Variants in FBXO22 observed in about 807,000 individuals in gnomAD.
FBXO22 encodes the protein F-box protein 22.
A neutral mutation model predicts 37.2 loss-of-function variants in FBXO22; 13 were observed. The ratio of observed to expected loss-of-function variants is 0.35; its 90% CI spans 0.23 to 0.56. FBXO22 has a LOEUF of 0.56. Among genes scored for constraint, FBXO22 ranks in the 20% least tolerant of loss-of-function variants. The pLI is 0.87. For missense variants in FBXO22, 446 were observed against 509.9 expected, an observed-to-expected ratio of 0.87 and a Z score of 1.21; for synonymous variants, 189 against 189.1, an observed-to-expected ratio of 1.00 and a Z score of 0.00.
chr15:75,932,665 C>T lies in FBXO22; in HGVS notation c.795-20C>T. 1.3e-6 allele frequency: 2 copies of T among 1,552,224 alleles called. No homozygotes were observed. Among genetic ancestry groups the T allele is most frequent in the Non-Finnish European group, 1.7e-6 (2 of 1,154,096 alleles). On this transcript the variant is annotated intron_variant, in intron 6 of 6. Transcript: ENST00000308275. ...ATTTTAATGTTTCATGAGATATTGC[C>T]ACTTTTCTAAATTTTCCAGGAACCC... is the stretch of plus-strand genomic sequence containing the variant.
chr15:75,932,625 C>A, intron 6 of FBXO22, 60 bp from the exon 7 acceptor site: 1 of 1,484,048 alleles, frequency 6.7e-7, no homozygotes, highest in East Asian at 2.3e-5. Context: ...GAGGATTTTG[C>A]TTCTATACTT....
chr15:75,904,560 C>T lies in FBXO22; in HGVS notation c.210C>T (p.Ser70=), dbSNP rs373192132. 1.5e-5 allele frequency: 24 copies of T among 1,613,316 alleles called. No individual in the cohort carries two copies. The Admixed American group carries it at 3.2e-4, about 21-fold the overall frequency. The change falls in exon 2 of 7, where the codon TCC becomes TCT. Residue 70 remains serine (S), a synonymous_variant. Transcript: ENST00000308275. ...CCCATCGGAGCGTAACCTGGATCTC[C>T]GCAGGCCTGGCGGAGGCCGGCCACC... ...LRTHRSVTWI[S]AGLAEAGHLE...
chr15:75,920,147 T>C (rs921615262), intron 5 of FBXO22, among the ~76,000 whole-genome samples: 3 of 152,256 alleles, frequency 2.0e-5, no homozygotes, highest in African/African-American at 7.2e-5. Context: ...TGTGGCTATG[T>C]GCTGAGCTTA....
chr15:75,942,175 TAC>T lies in FBXO22; in HGVS notation c.*9075_*9076del, dbSNP rs2031056663. On this transcript the variant is annotated 3_prime_UTR_variant, in exon 7 of 7. Transcript: ENST00000308275. ...TCAGTGGGAGAGAGGGAGGGGTAAATACATGGAGTAGAGATTTTTAGGGTGGT... is the reference window on the plus strand; with the variant it reads ...TCAGTGGGAGAGAGGGAGGGGTAAATATGGAGTAGAGATTTTTAGGGTGGT... 6.6e-6 allele frequency: 1 copy of T among 151,830 alleles called. No individual in the cohort carries two copies. The highest frequency in any genetic ancestry group is 1.9e-4 in the East Asian group (1 of 5,174). The allele number at this position is 151,830 out of a possible 1,614,324, so 9.4% of individuals were successfully genotyped here.
At chr15:75,904,835 T>TG (rs1899886883) in intron 2 of FBXO22, among the ~76,000 whole-genome samples, 1 of 148,804 alleles carries the variant, frequency 6.7e-6, no homozygotes, top group Non-Finnish European at 1.5e-5. Context: ...CCTTTTTTTT[T>TG]TTTTTTGAGA....
In FBXO22 at chr15:75,914,107, C is replaced by T. The variant is rs1900129576; in HGVS notation, c.368-3C>T. 1.9e-6 allele frequency: 3 copies of T among 1,601,764 alleles called. No homozygotes were observed. The East Asian group carries it at 6.7e-5, about 36-fold the overall frequency. ...TTATCATTTTGCTACTGTATTTTTA[C>T]AGCAAGGAAAAGAACTAGTATGGAA... On this transcript the variant is annotated splice_polypyrimidine_tract_variant and splice_region_variant and intron_variant, in intron 3 of 6. Coordinates refer to ENST00000308275, the MANE Select transcript of FBXO22 (RefSeq NM_147188.3).
At chr15:75,919,067 G>A (rs1327367251) in intron 5 of FBXO22, among the ~76,000 whole-genome samples, 1 of 152,108 alleles carries the variant, frequency 6.6e-6, no homozygotes, top group African/African-American at 2.4e-5. Context: ...AAGGGTTCAA[G>A]TGATTGTCAT....
intron 5 of FBXO22, among the ~76,000 whole-genome samples, chr15:75,918,305 T>G (rs1387640291): frequency 6.6e-6 from 1 of 151,296 alleles, no homozygotes; most frequent in African/African-American, 2.4e-5. Flanking sequence ...TTTTTACAAC[T>G]ATCCCTGACA....
chr15:75,914,097 T>G lies in FBXO22; in HGVS notation c.368-13T>G. On this transcript the variant is annotated splice_polypyrimidine_tract_variant and intron_variant, in intron 3 of 6. Transcript: ENST00000308275. ...TGGATGATATTTATCATTTTGCTACTGTATTTTTACAGCAAGGAAAAGAAC... is the reference window on the plus strand; with the variant it reads ...TGGATGATATTTATCATTTTGCTACGGTATTTTTACAGCAAGGAAAAGAAC... 6.3e-7 allele frequency: 1 copy of G among 1,585,160 alleles called. No homozygotes were observed. The highest frequency in any genetic ancestry group is 8.6e-7 in the Non-Finnish European group (1 of 1,161,062).
chr15:75,905,749 G>A (rs560895903), intron 2 of FBXO22: 4 of 152,180 alleles, frequency 2.6e-5, no homozygotes, highest in Admixed American at 6.5e-5. Context: ...GAAAATCACA[G>A]GCTATTTTGT....
At position 75,935,036 on chromosome 15, in the gene FBXO22, T is replaced by C. The variant is rs1179509707; in HGVS notation, c.*1934T>C. 2 of 152,218 alleles carry C rather than the reference T, an allele frequency of 1.3e-5. No individual in the cohort carries two copies. The highest frequency in any genetic ancestry group is 2.9e-5 in the Non-Finnish European group (2 of 68,032). 9.4% of individuals were successfully genotyped at this position (152,218 alleles called of 1,614,324 possible). ...GAGCTTGTTATGAACAGTAAAATCA[T>C]TTAGTCACATGGTTGTAACCTTAGT... On this transcript the variant is annotated 3_prime_UTR_variant, in exon 7 of 7. Coordinates refer to ENST00000308275, the MANE Select transcript of FBXO22 (RefSeq NM_147188.3).
chr15:75,937,245 C>T lies in FBXO22; in HGVS notation c.*4143C>T, dbSNP rs954279733. 6.6e-6 allele frequency: 1 copy of T among 150,448 alleles called. No homozygotes were observed. The highest frequency in any genetic ancestry group is 1.5e-5 in the Non-Finnish European group (1 of 67,740). 9.3% of individuals were successfully genotyped at this position (150,448 alleles called of 1,614,324 possible). On this transcript the variant is annotated 3_prime_UTR_variant, in exon 7 of 7. Coordinates refer to ENST00000308275, the MANE Select transcript of FBXO22 (RefSeq NM_147188.3). ...AAAAAAGAGGCCGGGCGTGGTGGCTCACGCCTGTAATTCCAGCACTTTGGG... is the reference window on the plus strand; with the variant it reads ...AAAAAAGAGGCCGGGCGTGGTGGCTTACGCCTGTAATTCCAGCACTTTGGG...
chr15:75,913,181 A>AT (rs1245471213), intron 2 of FBXO22, 22 bp from the exon 3 acceptor site: 5 of 1,530,040 alleles, frequency 3.3e-6, no homozygotes, highest in Non-Finnish European at 3.6e-6. Flanking sequence ...ATCCAATTCC[A>AT]ATTTTTTTTT....
intron 3 of FBXO22, 30 bp downstream of exon 3, chr15:75,913,320 T>C: frequency 6.8e-7 from 1 of 1,466,608 alleles, no homozygotes; most frequent in Non-Finnish European, 9.5e-7. Flanking sequence ...CTTTTGCTTC[T>C]GTTTTTTTAT....
In FBXO22 at chr15:75,904,175, G is replaced by T. The variant is rs563093265; in HGVS notation, c.140+72G>T. The T allele has an allele frequency of 1.1e-3, 1,565 of 1,465,966 alleles. 2 individuals are homozygous for T. Among genetic ancestry groups the T allele is most frequent in the Non-Finnish European group, 1.2e-3 (1,312 of 1,104,066 alleles). 90.8% of individuals were successfully genotyped at this position (1,465,966 alleles called of 1,614,324 possible). A position where few individuals can be genotyped will look rare whatever the true frequency, so the allele number is the denominator to read the frequency against. ...TGGGCATGTCCCAGGCTGGCGGGGT[G>T]GGGGGAGAGACCCTTGGGACCCACC... On this transcript the variant is annotated intron_variant, in intron 1 of 6. Coordinates refer to ENST00000308275, the MANE Select transcript of FBXO22 (RefSeq NM_147188.3).
At chr15:75,908,145 A>T (rs1458271943) in intron 2 of FBXO22, among the ~76,000 whole-genome samples, 1 of 152,162 alleles carries the variant, frequency 6.6e-6, no homozygotes, top group Non-Finnish European at 1.5e-5. Context: ...ATGCCTCATA[A>T]ACTCTCAGGA....
In FBXO22 at chr15:75,932,758, G is replaced by A. The variant is rs757382367; in HGVS notation, c.868G>A (p.Val290Met). The change falls in exon 7 of 7, where the codon GTG becomes ATG. Residue 290 changes from valine to methionine, a missense_variant. Val to Met is a conservative substitution (Grantham distance 21). Transcript: ENST00000308275. ...TGGACACCGAATCCAGAGTGCCACT[G>A]TGCTCCTCAACGAGGACGTCAGTGA... ...FSGHRIQSAT[V>M]LLNEDVSDEK... 6.2e-7 allele frequency: 1 copy of A among 1,614,234 alleles called. No individual in the cohort carries two copies. Among genetic ancestry groups the A allele is most frequent in the South Asian group, 1.1e-5 (1 of 91,088 alleles).
intron 2 of FBXO22, among the ~76,000 whole-genome samples, chr15:75,910,151 T>A (rs1900022472): frequency 6.6e-6 from 1 of 152,264 alleles, no homozygotes; most frequent in Non-Finnish European, 1.5e-5. Flanking sequence ...CCACATTTTC[T>A]TCATCCAGTC....
chr15:75,913,256 C>T lies in FBXO22; in HGVS notation c.333C>T (p.Phe111=). Residue 111 remains phenylalanine (F), a synonymous_variant, in exon 3 of 7, where the codon TTC becomes TTT. Transcript: ENST00000308275. ...TTTACATGGCTGATTCAGAAACTTT[C>T]ATTAGTCTGGAAGAGTGTCGTGGCC... ...TVLYMADSET[F]ISLEECRGHK... 6.2e-7 allele frequency: 1 copy of T among 1,610,630 alleles called. No homozygotes were observed. The highest frequency in any genetic ancestry group is 2.2e-5 in the East Asian group (1 of 44,816).
Sources: gnomAD v4.1 joint callset for allele counts (sites outside exome capture counted in the v4.1 genomes callset) on GRCh38, gnomAD v4.1.1 for gene constraint, MANE v1.5 for transcripts, NCBI Gene and HGNC (gene_info 2026-07-23, HGNC 2026-07-21) for gene names.